The following SDK2 variants were observed in gnomAD, a reference collection of about 807,000 sequenced individuals.
SDK2 encodes the protein protein sidekick-2.
SDK2 carries 105 observed loss-of-function variants against 253.9 expected under a neutral mutation model. The observed-to-expected ratio is 0.41, with a 90% CI of 0.35 to 0.49. The LOEUF (loss-of-function observed/expected upper bound fraction) is 0.49. Ranked by LOEUF, SDK2 falls within the 20% of genes least tolerant of loss-of-function variation. SDK2 has a pLI of 0.06. For missense variants in SDK2, 2,608 were observed against 3,003.0 expected (o/e 0.87, Z 3.07); for synonymous variants, 1,249 against 1,234.9 (o/e 1.01, Z -0.24).
intron 2 of SDK2, among the ~76,000 whole-genome samples, chr17:73,502,564 C>T (rs975710303): frequency 6.6e-6 from 1 of 152,226 alleles, no homozygotes; most frequent in Non-Finnish European, 1.5e-5. Flanking sequence ...TGAACAATGT[C>T]ATGCGTGGAT....
At chr17:73,638,582 A>G (rs2046360335) in intron 1 of SDK2, among the ~76,000 whole-genome samples, 1 of 152,116 alleles carries the variant, frequency 6.6e-6, no homozygotes, top group Non-Finnish European at 1.5e-5. Context: ...AATTCCAGGA[A>G]CAACAGGCAG....
intron 1 of SDK2, among the ~76,000 whole-genome samples, chr17:73,576,758 C>T (rs2045463617): frequency 6.6e-6 from 1 of 152,176 alleles, no homozygotes; most frequent in Non-Finnish European, 1.5e-5. Context: ...CTTGGCCAAG[C>T]TATTGTTGAC....
intron 2 of SDK2, among the ~76,000 whole-genome samples, chr17:73,482,022 C>T (rs2063728439): frequency 6.6e-6 from 1 of 152,196 alleles, no homozygotes; most frequent in Non-Finnish European, 1.5e-5. Context: ...CGCCTGGAAT[C>T]CCAGCACTTT....
At chr17:73,580,327 T>G (rs373275246) in intron 1 of SDK2, among the ~76,000 whole-genome samples, 3 of 152,238 alleles carry the variant, frequency 2.0e-5, no homozygotes, top group Admixed American at 2.0e-4. Context: ...CCACAGATGC[T>G]CTGAGGACAT....
chr17:73,461,425 A>G (rs2063561787), intron 3 of SDK2, among the ~76,000 whole-genome samples: 1 of 152,266 alleles, frequency 6.6e-6, no homozygotes, highest in Admixed American at 6.5e-5. Flanking sequence ...GAGGTTCTTC[A>G]GGAGAGGAAT....
At chr17:73,631,310 G>T (rs1039556334) in intron 1 of SDK2, among the ~76,000 whole-genome samples, 1 of 152,212 alleles carries the variant, frequency 6.6e-6, no homozygotes, top group African/African-American at 2.4e-5. Context: ...GGCACAGAAA[G>T]GAACTCCAAA....
In SDK2 at chr17:73,467,898, G is replaced by C. The variant is rs772774439; in HGVS notation, c.331+4214C>G. 1.3e-5 allele frequency among the ~76,000 whole-genome samples: 2 copies of C among 152,180 alleles called. No homozygotes were observed. Among genetic ancestry groups the C allele is most frequent in the Non-Finnish European group, 2.9e-5 (2 of 68,026 alleles). On this transcript the variant is annotated intron_variant, in intron 3 of 44. Coordinates refer to ENST00000392650, the MANE Select transcript of SDK2 (RefSeq NM_001144952.2). This position sits in a 1 kb window ranked among gnomAD's most constrained non-coding sequence, Gnocchi z 4.1. Reference sequence around the variant, plus strand: ...TCAGGGAGCTGCAGCTGGTGGACAGGGGGAGGTTAACCTGGGTCTCTCTCT... The same window carrying C: ...TCAGGGAGCTGCAGCTGGTGGACAGCGGGAGGTTAACCTGGGTCTCTCTCT...
chr17:73,601,310 G>T (rs55703741), intron 1 of SDK2, among the ~76,000 whole-genome samples: 2,387 of 151,992 alleles, frequency 0.016, 58 homozygotes, highest in East Asian at 0.044. Flanking sequence ...GTGAGCCACC[G>T]CGCCTGGCCT....
At chr17:73,526,320 G>C (rs2145794635) in intron 1 of SDK2, among the ~76,000 whole-genome samples, 1 of 152,352 alleles carries the variant, frequency 6.6e-6, no homozygotes, top group African/African-American at 2.4e-5. Context: ...GCCTGGGTGA[G>C]ATGAACTCTG....
chr17:73,373,615 G>GTCAA (rs1386461562), intron 36 of SDK2, among the ~76,000 whole-genome samples: 1 of 152,174 alleles, frequency 6.6e-6, no homozygotes, highest in East Asian at 1.9e-4. Flanking sequence ...GCTGAGCGAT[G>GTCAA]TTGAACACCT....
chr17:73,342,921 A>G (rs1420171706), intron 44 of SDK2, among the ~76,000 whole-genome samples: 1 of 152,172 alleles, frequency 6.6e-6, no homozygotes, highest in Non-Finnish European at 1.5e-5. Context: ...GGGAAAGGGA[A>G]GAGATGGAGT....
At chr17:73,405,543 T>G (rs1270010048) in intron 18 of SDK2, among the ~76,000 whole-genome samples, 1 of 129,860 alleles carries the variant, frequency 7.7e-6, no homozygotes, top group Admixed American at 8.1e-5. Context: ...GGAAAGTACA[T>G]TGTCACTTAT....
chr17:73,636,048 C>G (rs372441017), intron 1 of SDK2, among the ~76,000 whole-genome samples: 4 of 152,264 alleles, frequency 2.6e-5, no homozygotes, highest in Admixed American at 2.0e-4. Context: ...CGTCTTCAAA[C>G]AGTACAATTG....
At position 73,440,805 on chromosome 17, in the gene SDK2, T is replaced by C. The variant is rs752411194; in HGVS notation, c.725+7A>G. 5.2e-6 allele frequency: 8 copies of C among 1,545,776 alleles called. No individual in the cohort carries two copies. The South Asian group carries it at 7.1e-5, about 14-fold the overall frequency. On this transcript the variant is annotated splice_region_variant and intron_variant, in intron 6 of 44. Coordinates refer to ENST00000392650, the MANE Select transcript of SDK2 (RefSeq NM_001144952.2). ...GGTGCGGGAGCGAGGGAAGATGCAC[T>C]ACCTACCTGGCATTGGCCACACACT...
Position 73,361,946 on chromosome 17 carries a change from T to G in SDK2, c.5306-101A>C, listed in dbSNP as rs1568365915. 3 of 1,182,186 alleles carry G rather than the reference T, an allele frequency of 2.5e-6. No individual in the cohort carries two copies. Among genetic ancestry groups the G allele is most frequent in the Non-Finnish European group, 3.5e-6 (3 of 858,084 alleles). 73.2% of individuals were successfully genotyped at this position (1,182,186 alleles called of 1,614,324 possible). A position where few individuals can be genotyped will look rare whatever the true frequency, so the allele number is the denominator to read the frequency against. On this transcript the variant is annotated intron_variant, in intron 38 of 44. Transcript: ENST00000392650. This position sits in a 1 kb window ranked among gnomAD's most constrained non-coding sequence, Gnocchi z 4.1. ...GGCCGTGGCCTGGGCCCCGGGACCCTGGGTAGGGGCCTCACTCCTTGAGGT... is the reference window on the plus strand; with the variant it reads ...GGCCGTGGCCTGGGCCCCGGGACCCGGGGTAGGGGCCTCACTCCTTGAGGT...
chr17:73,582,975 C>T (rs2045556307), intron 1 of SDK2, among the ~76,000 whole-genome samples: 1 of 152,190 alleles, frequency 6.6e-6, no homozygotes, highest in Non-Finnish European at 1.5e-5. Flanking sequence ...TGCCCTCCTG[C>T]CTGCCCCAGG....
intron 1 of SDK2, among the ~76,000 whole-genome samples, chr17:73,561,557 A>G (rs1599680088): frequency 6.6e-6 from 1 of 152,294 alleles, no homozygotes; most frequent in East Asian, 1.9e-4. Flanking sequence ...ACACAGGGTC[A>G]TTTTGGGGGC....
chr17:73,375,234 T>A (rs2062768054), intron 36 of SDK2, among the ~76,000 whole-genome samples: 2 of 1,888 alleles, frequency 1.1e-3, no homozygotes, highest in South Asian at 7.9e-3. Flanking sequence ...AACAACCTTT[T>A]TTTTTTTTTT....
chr17:73,635,232 C>G (rs980777582), intron 1 of SDK2, among the ~76,000 whole-genome samples: 8 of 152,182 alleles, frequency 5.3e-5, no homozygotes, highest in Non-Finnish European at 1.2e-4. Context: ...AAGTGATCCG[C>G]CTGCCTCTGC....
Sources: gnomAD v4.1 joint callset for allele counts (sites outside exome capture counted in the v4.1 genomes callset) on GRCh38, gnomAD v4.1.1 for gene constraint, Gnocchi (gnomAD v3.1) non-coding constraint, MANE v1.5 for transcripts, NCBI Gene and HGNC (gene_info 2026-07-23, HGNC 2026-07-21) for gene names.